The following NSUN7 variants were observed in gnomAD, a reference collection of about 807,000 sequenced individuals.
The protein encoded by NSUN7 is NOP2/Sun RNA methyltransferase family member 7.
A neutral mutation model predicts 58.5 loss-of-function variants in NSUN7; 39 were observed. The observed-to-expected ratio is 0.67, with a 90% CI of 0.52 to 0.87. The LOEUF (loss-of-function observed/expected upper bound fraction) is 0.87, where lower values mean the gene tolerates loss of function less well. NSUN7 is among the 40% of genes least tolerant of loss of function. NSUN7 has a pLI of 0.00. For missense variants in NSUN7, 765 were observed against 844.1 expected (o/e 0.91, Z 1.16); for synonymous variants, 278 against 303.7 (o/e 0.92, Z 0.88).
chr4:40,777,263 A>T (rs1353627529), intron 7 of NSUN7, among the ~76,000 whole-genome samples: 2 of 152,164 alleles, frequency 1.3e-5, no homozygotes, highest in Admixed American at 6.5e-5. Context: ...GCAAAAGTAA[A>T]TTCCCTCTGG....
chr4:40,779,494 C>T (rs1046601349), intron 7 of NSUN7, among the ~76,000 whole-genome samples: 1 of 152,132 alleles, frequency 6.6e-6, no homozygotes, highest in Non-Finnish European at 1.5e-5. Flanking sequence ...GTCCCAGCTA[C>T]TCATGAGGCT....
In NSUN7 at chr4:40,751,023, AAAAG is replaced by A. The variant is rs1287868222; in HGVS notation, c.298+36_298+39del. 4 of 1,601,072 alleles carry A rather than the reference AAAAG, an allele frequency of 2.5e-6. No homozygotes were observed. The South Asian group carries it at 3.3e-5, about 13-fold the overall frequency. On this transcript the variant is annotated intron_variant, in intron 2 of 11. Coordinates refer to ENST00000381782, the MANE Select transcript of NSUN7 (RefSeq NM_024677.6). ...TGTGCCAGTCTGGAAGATCAACACTAAAAGAAAATAATAGCGAGAGAATTTGGGG... is the reference window on the plus strand; with the variant it reads ...TGTGCCAGTCTGGAAGATCAACACTAAAAATAATAGCGAGAGAATTTGGGG...
chr4:40,801,190 T>A (rs1560564708), intron 10 of NSUN7, among the ~76,000 whole-genome samples: 1 of 152,194 alleles, frequency 6.6e-6, no homozygotes, highest in Non-Finnish European at 1.5e-5. Context: ...GTTGGCATCC[T>A]GGAGATGTTA....
intron 7 of NSUN7, 22 bp downstream of exon 7, chr4:40,776,281 T>C (rs750933153): frequency 6.7e-7 from 1 of 1,483,744 alleles, no homozygotes; most frequent in Non-Finnish European, 9.2e-7. Flanking sequence ...TATTTCTTCA[T>C]TTGGTGATTA....
intron 2 of NSUN7, among the ~76,000 whole-genome samples, chr4:40,751,645 A>G (rs1578135466): frequency 6.6e-6 from 1 of 152,188 alleles, no homozygotes; most frequent in African/African-American, 2.4e-5. Context: ...GCCAAACTTT[A>G]GTAGAACTTC....
chr4:40,808,109 GT>G (rs5857747), intron 11 of NSUN7, among the ~76,000 whole-genome samples, 197 bp from the exon 12 acceptor site: 96,082 of 147,684 alleles, frequency 0.65, 31,249 homozygotes, highest in Admixed American at 0.71. Flanking sequence ...GGAAGTTTAA[GT>G]TTTTTTTTTG....
chr4:40,804,467 C>A (rs537744746), intron 10 of NSUN7, among the ~76,000 whole-genome samples: 1 of 151,878 alleles, frequency 6.6e-6, no homozygotes, highest in South Asian at 2.1e-4. Context: ...CTAATGGATG[C>A]CTAGTTTTAT....
intron 4 of NSUN7, among the ~76,000 whole-genome samples, chr4:40,770,530 CAG>C (rs917254008): frequency 3.3e-5 from 5 of 152,148 alleles, no homozygotes; most frequent in Non-Finnish European, 5.9e-5. Flanking sequence ...CCATCATAAA[CAG>C]AGTTCATCAT....
At chr4:40,757,438 G>T (rs1467534420) in intron 2 of NSUN7, among the ~76,000 whole-genome samples, 1 of 151,142 alleles carries the variant, frequency 6.6e-6, no homozygotes, top group East Asian at 1.9e-4. Context: ...TTTAACTTAT[G>T]ATGGGTTTAT....
chr4:40,773,176 C>T (rs2465561), intron 4 of NSUN7: 125,905 of 152,222 alleles, frequency 0.83, 52,617 homozygotes, highest in African/African-American at 0.93. Context: ...GTGCCTGCTA[C>T]GTGCCAGGCA....
At chr4:40,799,017 A>G (rs1459265680) in intron 10 of NSUN7, 113 bp downstream of exon 10, 8 of 301,390 alleles carry the variant, frequency 2.7e-5, no homozygotes, top group Non-Finnish European at 4.7e-5. Context: ...ATACTTTAGT[A>G]TGATAAAATT....
At chr4:40,762,098 C>T (rs1012078937) in intron 4 of NSUN7, among the ~76,000 whole-genome samples, 1 of 152,146 alleles carries the variant, frequency 6.6e-6, no homozygotes, top group African/African-American at 2.4e-5. Flanking sequence ...TGCTTTTGCC[C>T]TTCTGTGTTC....
At chr4:40,795,538 G>A (rs1384754585) in intron 9 of NSUN7, among the ~76,000 whole-genome samples, 7 of 152,144 alleles carry the variant, frequency 4.6e-5, no homozygotes, top group Admixed American at 2.6e-4. Flanking sequence ...GAAAAGCAAA[G>A]GGATTTTAAT....
intron 7 of NSUN7, among the ~76,000 whole-genome samples, chr4:40,779,935 G>A (rs1041251859): frequency 6.6e-6 from 1 of 152,084 alleles, no homozygotes; most frequent in Non-Finnish European, 1.5e-5. Flanking sequence ...ATAATGAATA[G>A]TTAAGGGGGA....
chr4:40,770,908 A>C (rs1336168182), intron 4 of NSUN7, among the ~76,000 whole-genome samples: 1 of 152,060 alleles, frequency 6.6e-6, no homozygotes, highest in Non-Finnish European at 1.5e-5. Context: ...AAAATTAGCC[A>C]GGTGTGGTGG....
intron 7 of NSUN7, among the ~76,000 whole-genome samples, chr4:40,787,036 G>GAA (rs376787204): frequency 0.075 from 10,176 of 135,460 alleles, 369 homozygotes; most frequent in East Asian, 0.1. Flanking sequence ...TTTAAAGAGT[G>GAA]AAAAAAAAAA....
chr4:40,799,073 CTTT>C lies in NSUN7; in HGVS notation c.1400+196_1400+198del, dbSNP rs761448412. ...AACCAAGATTCCATAGGGCCTTTTT[CTTT>C]TTTTTTTTTTTTTTTTTTTTTTTTT... On this transcript the variant is annotated intron_variant, in intron 10 of 11. Transcript: ENST00000381782. Among the ~76,000 whole-genome samples the C allele has an allele frequency of 1.1e-3, 83 of 76,238 alleles. 1 individual carries two copies. Among genetic ancestry groups the C allele is most frequent in the Non-Finnish European group, 1.4e-3 (55 of 39,382 alleles). The allele number at this position is 76,238 out of a possible 152,430, so 50.0% of individuals were successfully genotyped here. A position where few individuals can be genotyped will look rare whatever the true frequency, so the allele number is the denominator to read the frequency against.
chr4:40,808,170 A>T (rs1743912867), intron 11 of NSUN7, 137 bp from the exon 12 acceptor site: 1 of 961,598 alleles, frequency 1.0e-6, no homozygotes, highest in African/African-American at 1.7e-5. Context: ...TTGGGGACTA[A>T]GGCCTAAAAA....
At chr4:40,782,748 A>G (rs950395342) in intron 7 of NSUN7, among the ~76,000 whole-genome samples, 3 of 152,030 alleles carry the variant, frequency 2.0e-5, no homozygotes, top group Admixed American at 1.3e-4. Context: ...ACATGCCTGT[A>G]GTCCTAGCTA....
Sources: gnomAD v4.1 joint callset for allele counts (sites outside exome capture counted in the v4.1 genomes callset) on GRCh38, gnomAD v4.1.1 for gene constraint, MANE v1.5 for transcripts, NCBI Gene and HGNC (gene_info 2026-07-23, HGNC 2026-07-21) for gene names.